Variants in BABAM2 observed in about 807,000 individuals in gnomAD.
BABAM2 encodes BRISC and BRCA1 A complex member 2.
Under a neutral mutation model 54.7 loss-of-function variants are expected in BABAM2, and 31 were observed. The observed-to-expected ratio is 0.57, with a 90% CI of 0.43 to 0.77. The LOEUF (loss-of-function observed/expected upper bound fraction) is 0.77. Ranked by LOEUF, BABAM2 falls within the 30% of genes least tolerant of loss-of-function variation. BABAM2 has a pLI of 0.00. For synonymous variants in BABAM2, 167 were observed against 162.9 expected (o/e 1.03, Z -0.19); for missense variants, 364 against 455.8 (o/e 0.80, Z 1.83).
At position 28,200,946 on chromosome 2, in the gene BABAM2, T is replaced by C. The variant is rs140467516; in HGVS notation, c.681-36256T>C. ...ACCACACCTGGCTAATTTTTTTGTA[T>C]TTTTAGGAGAGACAGGGTTTTGCCA... is the stretch of plus-strand genomic sequence containing the variant. On this transcript the variant is annotated intron_variant, in intron 7 of 11. Coordinates refer to ENST00000379624, the MANE Select transcript of BABAM2 (RefSeq NM_199191.3). 4.1e-3 allele frequency among the ~76,000 whole-genome samples: 618 copies of C among 152,272 alleles called. 4 individuals are homozygous for C. The highest frequency in any genetic ancestry group is 0.014 in the African/African-American group (579 of 41,536).
At chr2:27,956,160 A>G (rs1427648133) in intron 3 of BABAM2, among the ~76,000 whole-genome samples, 3 of 152,200 alleles carry the variant, frequency 2.0e-5, no homozygotes, top group Non-Finnish European at 2.9e-5. Flanking sequence ...TACGAAAACC[A>G]TATCTTCTGT....
At chr2:27,935,341 C>T (rs1360746979) in intron 3 of BABAM2, among the ~76,000 whole-genome samples, 2 of 152,196 alleles carry the variant, frequency 1.3e-5, no homozygotes, top group Admixed American at 1.3e-4. Flanking sequence ...TATTATTGCT[C>T]ATTGACAGTG....
At chr2:28,010,114 G>A (rs1480910747) in intron 4 of BABAM2, among the ~76,000 whole-genome samples, 1 of 152,122 alleles carries the variant, frequency 6.6e-6, no homozygotes, top group East Asian at 1.9e-4. Flanking sequence ...GTCTGGAACA[G>A]TTGTTCATTT....
At chr2:28,254,053 T>A (rs1429597715) in intron 10 of BABAM2, among the ~76,000 whole-genome samples, 1 of 152,196 alleles carries the variant, frequency 6.6e-6, no homozygotes, top group Non-Finnish European at 1.5e-5. Context: ...TTATAATGGT[T>A]TGTCATACAA....
At chr2:27,993,292 C>A (rs1385382690) in intron 4 of BABAM2, among the ~76,000 whole-genome samples, 5 of 152,050 alleles carry the variant, frequency 3.3e-5, no homozygotes, top group Admixed American at 3.3e-4. Context: ...TAGGGGTATA[C>A]AATACATGTT....
intron 3 of BABAM2, among the ~76,000 whole-genome samples, chr2:27,944,143 T>G (rs192498908): frequency 6.6e-6 from 1 of 152,298 alleles, no homozygotes; most frequent in East Asian, 1.9e-4. Flanking sequence ...ATGGTTAGGC[T>G]TATTTACATG....
intron 7 of BABAM2, among the ~76,000 whole-genome samples, chr2:28,191,596 G>A (rs1250740025): frequency 1.3e-5 from 2 of 152,152 alleles, no homozygotes; most frequent in Non-Finnish European, 2.9e-5. Context: ...ACAACAAAAT[G>A]GATGAATCTC....
At chr2:27,953,928 A>T (rs1367332866) in intron 3 of BABAM2, among the ~76,000 whole-genome samples, 7 of 152,206 alleles carry the variant, frequency 4.6e-5, no homozygotes, top group Admixed American at 4.6e-4. Context: ...GAATAGAGCT[A>T]GCCTGAGGAG....
intron 6 of BABAM2, among the ~76,000 whole-genome samples, chr2:28,125,428 G>A (rs1471867598): frequency 6.6e-6 from 1 of 151,868 alleles, no homozygotes; most frequent in Non-Finnish European, 1.5e-5. Context: ...CAAGTAGCTG[G>A]GATTACAGGC....
chr2:28,070,551 C>CTTTTTTTTTTTTTTTTTTTT (rs779324534), intron 6 of BABAM2, among the ~76,000 whole-genome samples: 1 of 85,742 alleles, frequency 1.2e-5, no homozygotes, highest in African/African-American at 3.2e-5. Context: ...AAGTACTTTT[C>CTTTTTTTTTTTTTTTTTTTT]TTTTCTTTTT....
intron 6 of BABAM2, among the ~76,000 whole-genome samples, chr2:28,122,001 T>C (rs1669115631): frequency 6.6e-6 from 1 of 151,994 alleles, no homozygotes; most frequent in Non-Finnish European, 1.5e-5. Flanking sequence ...GATCATGAGG[T>C]CAGGAGATTG....
intron 10 of BABAM2, among the ~76,000 whole-genome samples, chr2:28,288,118 G>A (rs185346759): frequency 3.3e-5 from 5 of 152,228 alleles, no homozygotes; most frequent in African/African-American, 1.2e-4. Flanking sequence ...AGGTATTTCT[G>A]ATCATCTGAA....
chr2:28,199,562 T>C (rs1008170237), intron 7 of BABAM2, among the ~76,000 whole-genome samples: 1 of 152,188 alleles, frequency 6.6e-6, no homozygotes, highest in Non-Finnish European at 1.5e-5. Context: ...CCGGAAGATA[T>C]GATTGAAACT....
At chr2:28,178,907 T>A (rs1438825601) in intron 7 of BABAM2, among the ~76,000 whole-genome samples, 1 of 152,052 alleles carries the variant, frequency 6.6e-6, no homozygotes, top group Non-Finnish European at 1.5e-5. Context: ...GATACATTCC[T>A]GGACACATAC....
At chr2:28,159,900 G>A (rs1672897934) in intron 7 of BABAM2, among the ~76,000 whole-genome samples, 1 of 151,674 alleles carries the variant, frequency 6.6e-6, no homozygotes, top group Admixed American at 6.6e-5. Context: ...AAAAAAAATT[G>A]CCAGAATTTA....
intron 10 of BABAM2, among the ~76,000 whole-genome samples, chr2:28,297,266 G>C (rs927583778): frequency 3.9e-5 from 6 of 152,174 alleles, no homozygotes; most frequent in Non-Finnish European, 8.8e-5. Flanking sequence ...TTGCTCACCT[G>C]TTAAATGCAA....
chr2:28,247,414 G>A (rs1011350325), intron 10 of BABAM2, among the ~76,000 whole-genome samples: 2 of 152,132 alleles, frequency 1.3e-5, no homozygotes, highest in Non-Finnish European at 2.9e-5. Flanking sequence ...ACTTAGTCAT[G>A]CAGTTAAGCA....
intron 10 of BABAM2, among the ~76,000 whole-genome samples, chr2:28,249,696 A>G (rs1459139693): frequency 1.3e-5 from 2 of 152,100 alleles, no homozygotes; most frequent in African/African-American, 4.8e-5. Context: ...ACTGGAGTGC[A>G]GTGGTGCAAT....
At chr2:28,181,797 A>G (rs1020050487) in intron 7 of BABAM2, among the ~76,000 whole-genome samples, 4 of 149,088 alleles carry the variant, frequency 2.7e-5, no homozygotes, top group African/African-American at 9.8e-5. Flanking sequence ...TTTTTTTTAA[A>G]AAAAAAAGAC....
Sources: allele counts gnomAD v4.1 joint callset (sites outside exome capture counted in the v4.1 genomes callset), GRCh38; gene constraint gnomAD v4.1.1; transcripts MANE v1.5; gene names NCBI Gene and HGNC (gene_info 2026-07-23, HGNC 2026-07-21).